Variants in TENM2 observed in about 807,000 individuals in gnomAD.
TENM2 encodes the protein teneurin transmembrane protein 2.
TENM2 carries 52 observed loss-of-function variants against 245.2 expected under a neutral mutation model. The observed-to-expected ratio is 0.21, with a 90% CI of 0.17 to 0.27. The LOEUF (loss-of-function observed/expected upper bound fraction) is 0.27. Among genes scored for constraint, TENM2 ranks in the 10% least tolerant of loss-of-function variants. TENM2 has a pLI of 1.00. For missense variants in TENM2, 3,046 were observed against 3,666.8 expected (o/e 0.83, Z 4.37); for synonymous variants, 1,363 against 1,438.9 (o/e 0.95, Z 1.19).
At chr5:167,543,664 G>A (rs1430290222) in intron 2 of TENM2, among the ~76,000 whole-genome samples, 1 of 152,150 alleles carries the variant, frequency 6.6e-6, no homozygotes, top group Non-Finnish European at 1.5e-5. Flanking sequence ...GTTCTGGAAG[G>A]CTGGAAGTCC....
At chr5:167,045,738 A>T in the TENM2 span, among the ~76,000 whole-genome samples, 3 of 152,190 alleles carry the variant, frequency 2.0e-5, no homozygotes, top group Non-Finnish European at 4.4e-5. Flanking sequence ...GAGGCAGAGG[A>T]TGTATTCCAG....
chr5:168,187,571 C>A (rs1228269177), intron 13 of TENM2: 1 of 152,212 alleles, frequency 6.6e-6, no homozygotes, highest in Non-Finnish European at 1.5e-5. Flanking sequence ...CTGAAGGAAG[C>A]CCTGCCAGCA....
chr5:167,649,045 T>C (rs564317099), intron 2 of TENM2, among the ~76,000 whole-genome samples: 1 of 152,248 alleles, frequency 6.6e-6, no homozygotes, highest in South Asian at 2.1e-4. Context: ...CTTTTAGGAT[T>C]AGATTGTTAA....
At chr5:167,629,574 T>A (rs1041143742) in intron 2 of TENM2, among the ~76,000 whole-genome samples, 1 of 152,212 alleles carries the variant, frequency 6.6e-6, no homozygotes, top group Non-Finnish European at 1.5e-5. Flanking sequence ...AGCAGGTACA[T>A]GAATTGACTT....
At chr5:167,010,345 T>C in the TENM2 span, among the ~76,000 whole-genome samples, 1 of 152,122 alleles carries the variant, frequency 6.6e-6, no homozygotes, top group Non-Finnish European at 1.5e-5. Context: ...ATTGTGCCAT[T>C]GCACTCCATC....
At chr5:168,139,433 G>A in intron 12 of TENM2, 1 of 455,780 alleles carries the variant, frequency 2.2e-6, no homozygotes, top group South Asian at 1.6e-5. Flanking sequence ...AATTTAGTTA[G>A]ATTACTGCTT....
At chr5:167,827,141 T>C (rs1768034765) in intron 2 of TENM2, among the ~76,000 whole-genome samples, 1 of 152,210 alleles carries the variant, frequency 6.6e-6, no homozygotes, top group Non-Finnish European at 1.5e-5. Context: ...CTGCTGCTGT[T>C]TTAACCAGAT....
intron 2 of TENM2, among the ~76,000 whole-genome samples, chr5:167,485,314 A>G (rs1013671908): frequency 6.6e-6 from 1 of 152,224 alleles, no homozygotes; most frequent in South Asian, 2.1e-4. Context: ...TGAGAAACAT[A>G]AAAACAGACT....
chr5:167,666,540 C>T (rs540231021), intron 2 of TENM2, among the ~76,000 whole-genome samples: 2 of 152,164 alleles, frequency 1.3e-5, no homozygotes, highest in African/African-American at 4.8e-5. Flanking sequence ...CTCAAAATTA[C>T]TAATATTAAA....
intron 7 of TENM2, among the ~76,000 whole-genome samples, chr5:168,081,777 G>C (rs888040835): frequency 1.3e-5 from 2 of 152,226 alleles, no homozygotes; most frequent in Non-Finnish European, 2.9e-5. Flanking sequence ...CTTCTGGCTT[G>C]TAGAGTTTCT....
At position 168,008,427 on chromosome 5, in the gene TENM2, A is replaced by G. The variant is rs75694018; in HGVS notation, c.1186+15245A>G. On this transcript the variant is annotated intron_variant, in intron 5 of 28. Transcript: ENST00000518659. The stretch of plus-strand genomic sequence containing the variant: ...AGTTCATAAGCGGGAGTATAATATG[A>G]TAAAATTATGACATGATATCATGTC... Among the ~76,000 whole-genome samples the G allele has an allele frequency of 3.3e-5, 5 of 152,192 alleles. No individual in the cohort carries two copies. The East Asian group carries it at 5.8e-4, about 18-fold the overall frequency.
At chr5:167,363,623 CG>C (rs1263138211) in intron 1 of TENM2, among the ~76,000 whole-genome samples, 3 of 145,380 alleles carry the variant, frequency 2.1e-5, no homozygotes, top group Admixed American at 7.1e-5. Flanking sequence ...CCCAGCTACT[CG>C]GGAGGCTGAG....
At chr5:167,296,365 T>A (rs1266804649) in intron 1 of TENM2, 1 of 152,222 alleles carries the variant, frequency 6.6e-6, no homozygotes, top group Non-Finnish European at 1.5e-5. Context: ...CCTTCTGTCC[T>A]TGTGCAGTTA....
At chr5:168,134,507 G>A (rs1754871490) in intron 12 of TENM2, among the ~76,000 whole-genome samples, 1 of 152,060 alleles carries the variant, frequency 6.6e-6, no homozygotes, top group Non-Finnish European at 1.5e-5. Flanking sequence ...ACAACATAGT[G>A]AAACCCCATC....
At chr5:166,999,027 A>G in the TENM2 span, among the ~76,000 whole-genome samples, 19 of 149,906 alleles carry the variant, frequency 1.3e-4, no homozygotes, top group Non-Finnish European at 2.7e-4. Flanking sequence ...TATTTATTAT[A>G]ATATATTTTA....
chr5:167,976,931 A>G lies in TENM2; in HGVS notation c.948-16013A>G, dbSNP rs533795284. 3.3e-5 allele frequency among the ~76,000 whole-genome samples: 5 copies of G among 152,380 alleles called. No individual in the cohort carries two copies. In the East Asian group the frequency reaches 9.6e-4, roughly 29 times the overall value. ...TATGGAATCAACTAAATGCCCATCA[A>G]TGGTAGACTAGATAAAGAAGATGTG... is the stretch of plus-strand genomic sequence containing the variant. On this transcript the variant is annotated intron_variant, in intron 4 of 28. Coordinates refer to ENST00000518659, the Ensembl canonical transcript of TENM2.
chr5:167,718,573 A>G (rs1759418270), intron 2 of TENM2, among the ~76,000 whole-genome samples: 1 of 152,256 alleles, frequency 6.6e-6, no homozygotes, highest in Admixed American at 6.5e-5. Flanking sequence ...AAGGGGGCCA[A>G]AGTCAAATAC....
chr5:167,526,393 C>CACAG (rs1017399496), intron 2 of TENM2, among the ~76,000 whole-genome samples: 6 of 150,658 alleles, frequency 4.0e-5, no homozygotes, highest in Admixed American at 1.3e-4. Context: ...CACACACACA[C>CACAG]AGAAAAGAAG....
At chr5:168,063,730 A>T (rs747736442) in intron 7 of TENM2, among the ~76,000 whole-genome samples, 1 of 152,186 alleles carries the variant, frequency 6.6e-6, no homozygotes, top group Non-Finnish European at 1.5e-5. Context: ...CCCAGTGCAC[A>T]CATACCTCCC....
Sources: gnomAD v4.1 joint callset for allele counts (sites outside exome capture counted in the v4.1 genomes callset) on GRCh38, gnomAD v4.1.1 for gene constraint, MANE v1.5 for transcripts, NCBI Gene and HGNC (gene_info 2026-07-23, HGNC 2026-07-21) for gene names.